ACSM1: variants seen among roughly 807,000 people sequenced by gnomAD.
ACSM1 encodes the protein acyl-coenzyme A synthetase ACSM1, mitochondrial.
A neutral mutation model predicts 75.8 loss-of-function variants in ACSM1; 79 were observed. The observed-to-expected ratio is 1.04, with a 90% confidence interval of 0.87 to 1.26. The LOEUF (loss-of-function observed/expected upper bound fraction) is 1.26. Among genes scored for constraint, ACSM1 ranks in the 50% most tolerant of loss-of-function variants. The probability of loss-of-function intolerance (pLI) is 0.00; values close to 1 mark genes in which losing one functional copy is unlikely to be tolerated. For missense variants in ACSM1, 676 were observed against 720.1 expected (o/e 0.94, Z 0.70); for synonymous variants, 279 against 265.8 (o/e 1.05, Z -0.48).
intron 6 of ACSM1, among the ~76,000 whole-genome samples, chr16:20,666,022 A>T (rs1416919103): frequency 6.6e-6 from 1 of 152,192 alleles, no homozygotes; most frequent in East Asian, 1.9e-4. Context: ...CACAGCCAGC[A>T]TCACACTGAC....
At chr16:20,671,732 G>T in intron 4 of ACSM1, 61 bp from the exon 5 acceptor site, 2 of 1,431,648 alleles carry the variant, frequency 1.4e-6, no homozygotes, top group South Asian at 1.7e-5. Flanking sequence ...CATCTTCTGG[G>T]AATGCAAAAG....
chr16:20,624,159 C>T lies in ACSM1; in HGVS notation c.1584G>A (p.Gln528=), dbSNP rs140314045. ...TPQFLSHDKD[Q]LTKELQQHVK... ...CATGCTGCTGCAGTTCCTTGGTCAG[C>T]TGATCCTTGTCATGGGACAGGAACT... The change falls in exon 13 of 14, where the codon CAG becomes CAA. Residue 528 remains glutamine (Q), a synonymous_variant. Coordinates refer to ENST00000520010, the MANE Select transcript of ACSM1 (RefSeq NM_001318890.3). 470 of 1,613,420 alleles carry T rather than the reference C, an allele frequency of 2.9e-4. 2 individuals are homozygous for T. The Middle Eastern group carries it at 3.6e-3, about 12-fold the overall frequency.
At chr16:20,624,282 T>A (rs2016785051) in intron 12 of ACSM1, 67 bp from the exon 13 acceptor site, 1 of 1,506,150 alleles carries the variant, frequency 6.6e-7, no homozygotes, top group Non-Finnish European at 8.9e-7. Context: ...AGTCAATGTT[T>A]ATTGAATGAG....
chr16:20,652,710 T>C (rs999247510), intron 7 of ACSM1, among the ~76,000 whole-genome samples: 2 of 152,128 alleles, frequency 1.3e-5, no homozygotes, highest in African/African-American at 2.4e-5. Context: ...CAGGAAGAAG[T>C]TGAATCCCTG....
chr16:20,654,129 A>T (rs2018808567), intron 7 of ACSM1, among the ~76,000 whole-genome samples: 1 of 152,228 alleles, frequency 6.6e-6, no homozygotes, highest in Non-Finnish European at 1.5e-5. Flanking sequence ...ATCTTTGACA[A>T]ATCTGACAAA....
chr16:20,685,819 C>CAAAAAAAAAAAAAAAAAAAA (rs71842093), intron 2 of ACSM1, among the ~76,000 whole-genome samples: 1 of 50,190 alleles, frequency 2.0e-5, no homozygotes, highest in Non-Finnish European at 3.2e-5. Flanking sequence ...GACTCCGTCT[C>CAAAAAAAAAAAAAAAAAAAA]AAAAAAAAAA....
At chr16:20,668,282 T>C (rs1176041382) in intron 6 of ACSM1, among the ~76,000 whole-genome samples, 1 of 152,244 alleles carries the variant, frequency 6.6e-6, no homozygotes, top group African/African-American at 2.4e-5. Context: ...AAATGCTTTT[T>C]TGGTAAATTT....
chr16:20,671,240 C>T (rs549118276), intron 5 of ACSM1, among the ~76,000 whole-genome samples: 6 of 152,126 alleles, frequency 3.9e-5, no homozygotes. Context: ...TGTCTACTGT[C>T]TCTACCCACA....
chr16:20,649,790 GC>G (rs2018548951), intron 7 of ACSM1, among the ~76,000 whole-genome samples: 1 of 152,092 alleles, frequency 6.6e-6, no homozygotes, highest in African/African-American at 2.4e-5. Flanking sequence ...GATGTCTCAT[GC>G]CTCCCTCAAA....
In ACSM1 at chr16:20,640,555, T is replaced by G. The variant is rs527828401; in HGVS notation, c.1022A>C (p.Tyr341Ser). Residue 341 changes from tyrosine (Y) to serine (S), a missense_variant, in exon 8 of 14, where the codon TAT becomes TCT. Coordinates refer to ENST00000520010, the MANE Select transcript of ACSM1 (RefSeq NM_001318890.3). ...GGGCAACACGACCTCCCCGCCAGTA[T>G]AGCAGTGCTCCAGGGCAGGGAACCT... Reference protein sequence around the residue: ...SIRFPALEHCYTGGEVVLPKD... With the variant: ...SIRFPALEHCSTGGEVVLPKD... 6.2e-7 allele frequency: 1 copy of G among 1,614,060 alleles called. No individual in the cohort carries two copies. Among genetic ancestry groups the G allele is most frequent in the Non-Finnish European group, 8.5e-7 (1 of 1,180,018 alleles).
chr16:20,638,978 C>T (rs1265852630), intron 8 of ACSM1, among the ~76,000 whole-genome samples: 2 of 152,108 alleles, frequency 1.3e-5, no homozygotes, highest in East Asian at 3.9e-4. Flanking sequence ...TTTTTCAGGT[C>T]TGGAAGCAGA....
chr16:20,667,637 T>G (rs2019645438), intron 6 of ACSM1, among the ~76,000 whole-genome samples: 1 of 152,150 alleles, frequency 6.6e-6, no homozygotes, highest in African/African-American at 2.4e-5. Context: ...GACCCAGCAA[T>G]CCCATTACTG....
In ACSM1 at chr16:20,685,844, AAAC is replaced by A. The variant is rs1292367225; in HGVS notation, c.193-444_193-442del. 1.2e-3 allele frequency among the ~76,000 whole-genome samples: 142 copies of A among 123,092 alleles called. 26 individuals are homozygous for A. Among genetic ancestry groups the A allele is most frequent in the South Asian group, 3.4e-3 (12 of 3,540 alleles). The allele number at this position is 123,092 out of a possible 152,430, so 80.8% of individuals were successfully genotyped here. On this transcript the variant is annotated intron_variant, in intron 2 of 13. Coordinates refer to ENST00000520010, the MANE Select transcript of ACSM1 (RefSeq NM_001318890.3). ...CAAAAAAAAAAAACAAACAAAAAAA[AAAC>A]AAAAAACTTATAGCATCAGGAGAGG...
At chr16:20,687,859 G>A (rs994536335) in intron 2 of ACSM1, among the ~76,000 whole-genome samples, 5 of 152,062 alleles carry the variant, frequency 3.3e-5, no homozygotes, top group Admixed American at 6.6e-5. Context: ...CGAGGCTACC[G>A]GATCACTTGA....
At chr16:20,695,711 A>G (rs2079686387) in intron 1 of ACSM1, among the ~76,000 whole-genome samples, 1 of 151,996 alleles carries the variant, frequency 6.6e-6, no homozygotes, top group African/African-American at 2.4e-5. Flanking sequence ...ATCTAGATAT[A>G]TAAGAACCTG....
At chr16:20,666,517 G>A (rs1416606219) in intron 6 of ACSM1, among the ~76,000 whole-genome samples, 1 of 152,076 alleles carries the variant, frequency 6.6e-6, no homozygotes, top group East Asian at 1.9e-4. Flanking sequence ...CTCATATATT[G>A]GAAGAATCAA....
chr16:20,689,947 G>T (rs1012742191), intron 2 of ACSM1, among the ~76,000 whole-genome samples: 5 of 152,170 alleles, frequency 3.3e-5, no homozygotes, highest in African/African-American at 1.2e-4. Flanking sequence ...TAAATCCTTG[G>T]AACCTCAGTT....
chr16:20,691,751 ATGTGTGTGTGTGTGTGTGTGTGTG>A (rs59929923), intron 1 of ACSM1, among the ~76,000 whole-genome samples: 13 of 134,106 alleles, frequency 9.7e-5, no homozygotes, highest in Admixed American at 4.5e-4. Context: ...TACCTCTCCA[ATGTGTGTGTGTGTGTGTGTGTGTG>A]TGTGTGTGTG....
intron 7 of ACSM1, among the ~76,000 whole-genome samples, chr16:20,653,655 T>C (rs1251769719): frequency 6.6e-6 from 1 of 152,170 alleles, no homozygotes; most frequent in Non-Finnish European, 1.5e-5. Flanking sequence ...CCATTCACAA[T>C]TGCTTCAAAG....
Sources: gnomAD v4.1 joint callset for allele counts (sites outside exome capture counted in the v4.1 genomes callset) on GRCh38, gnomAD v4.1.1 for gene constraint, MANE v1.5 for transcripts, NCBI Gene and HGNC (gene_info 2026-07-23, HGNC 2026-07-21) for gene names.